Variants in ROBO1 observed in about 807,000 individuals in gnomAD.
ROBO1 encodes the protein roundabout guidance receptor 1, also known as roundabout homolog 1.
A neutral mutation model predicts 195.9 loss-of-function variants in ROBO1; 149 were observed. That is an observed-to-expected ratio of 0.76 (90% CI 0.67 to 0.87). The LOEUF (loss-of-function observed/expected upper bound fraction) is 0.87. ROBO1 is among the 40% of genes least tolerant of loss of function. ROBO1 has a pLI of 0.00. For missense variants in ROBO1, 1,933 were observed against 2,068.3 expected (o/e 0.93, Z 1.27); for synonymous variants, 816 against 733.2 (o/e 1.11, Z -1.82).
intron 2 of ROBO1, among the ~76,000 whole-genome samples, chr3:79,304,169 A>C (rs550522448): frequency 6.6e-6 from 1 of 152,340 alleles, no homozygotes; most frequent in East Asian, 1.9e-4. Context: ...TAAGTAATCC[A>C]AGTAAACCTG....
chr3:79,431,058 A>C (rs1559894059), intron 2 of ROBO1, among the ~76,000 whole-genome samples: 1 of 152,028 alleles, frequency 6.6e-6, no homozygotes, highest in African/African-American at 2.4e-5. Context: ...AAAAGGAGGT[A>C]GTGGTTATTA....
chr3:79,498,747 G>A (rs67958433), intron 2 of ROBO1, among the ~76,000 whole-genome samples: 33,219 of 151,504 alleles, frequency 0.22, 4,306 homozygotes, highest in African/African-American at 0.33. Context: ...CCAGCTACTC[G>A]GGAGGCTGAG....
chr3:78,659,962 C>T, intron 16 of ROBO1, 155 bp from the exon 17 acceptor site: 1 of 446,896 alleles, frequency 2.2e-6, no homozygotes, highest in Non-Finnish European at 3.6e-6. Context: ...GCTCTGTCAT[C>T]TAGGCTGTAG....
At chr3:79,451,198 T>C (rs932008472) in intron 2 of ROBO1, among the ~76,000 whole-genome samples, 2 of 152,090 alleles carry the variant, frequency 1.3e-5, no homozygotes, top group African/African-American at 4.8e-5. Context: ...TAAGGAATTT[T>C]CATTAAAAGC....
At position 79,176,978 on chromosome 3, in the gene ROBO1, T is replaced by C. The variant is rs577680387; in HGVS notation, c.89-51439A>G. Reference sequence around the variant, plus strand: ...TACATAGTAAGTGTCTCTGTCTCAATACAAAATAACGGCAAGACAATCTAT... The same window carrying C: ...TACATAGTAAGTGTCTCTGTCTCAACACAAAATAACGGCAAGACAATCTAT... On this transcript the variant is annotated intron_variant, in intron 2 of 30. Coordinates refer to ENST00000464233, the MANE Select transcript of ROBO1 (RefSeq NM_002941.4). Among the ~76,000 whole-genome samples, 264 of 152,294 alleles carry C rather than the reference T, an allele frequency of 1.7e-3. 4 individuals are homozygous for C. Among genetic ancestry groups the C allele is most frequent in the South Asian group, 6.2e-4 (3 of 4,824 alleles).
chr3:78,664,001 G>C (rs1198555984), intron 14 of ROBO1, among the ~76,000 whole-genome samples: 1 of 152,088 alleles, frequency 6.6e-6, no homozygotes, highest in Admixed American at 6.6e-5. Flanking sequence ...AAACCTACCA[G>C]TCAGTTCCTT....
At chr3:78,692,471 A>T (rs1369136406) in intron 8 of ROBO1, among the ~76,000 whole-genome samples, 1 of 151,848 alleles carries the variant, frequency 6.6e-6, no homozygotes, top group East Asian at 1.9e-4. Context: ...GGGGTTTGCC[A>T]TGTTGCCCAG....
chr3:78,920,191 A>G (rs1032956197), intron 4 of ROBO1, among the ~76,000 whole-genome samples: 4 of 152,268 alleles, frequency 2.6e-5, no homozygotes, highest in Admixed American at 2.0e-4. Flanking sequence ...ATTGTCTTAC[A>G]TACAAGATGA....
chr3:79,435,280 C>A (rs2038844959), intron 2 of ROBO1, among the ~76,000 whole-genome samples: 1 of 152,000 alleles, frequency 6.6e-6, no homozygotes, highest in Non-Finnish European at 1.5e-5. Flanking sequence ...GAGAGGTGGT[C>A]TTGCTATGTT....
chr3:79,704,388 G>A lies in ROBO1; in HGVS notation c.-51+63364C>T, dbSNP rs181602955. Among the ~76,000 whole-genome samples the A allele has an allele frequency of 2.4e-3, 367 of 151,960 alleles. 2 individuals are homozygous for A. The highest frequency in any genetic ancestry group is 8.3e-3 in the African/African-American group (344 of 41,496). Reference sequence around the variant, plus strand: ...CCTTAAAACCATTCATCTTTTTACTGTTTCCATAGTTTTGACTTTTCTAGA... The same window carrying A: ...CCTTAAAACCATTCATCTTTTTACTATTTCCATAGTTTTGACTTTTCTAGA... On this transcript the variant is annotated intron_variant, in intron 1 of 30. Transcript: ENST00000464233.
chr3:79,211,911 A>T (rs1404675593), intron 2 of ROBO1, among the ~76,000 whole-genome samples: 1 of 152,194 alleles, frequency 6.6e-6, no homozygotes, highest in Non-Finnish European at 1.5e-5. Context: ...AGAGCCTGGA[A>T]CAGAGATTTA....
intron 2 of ROBO1, among the ~76,000 whole-genome samples, chr3:79,226,487 A>C (rs1303205281): frequency 6.6e-6 from 1 of 151,642 alleles, no homozygotes; most frequent in South Asian, 2.1e-4. Context: ...TATCATAAAG[A>C]CAATTGTATT....
rs766008537 is a variant in ROBO1 at position 78,670,205 on chromosome 3, C to A, written c.1439G>T (p.Gly480Val). Residue 480 changes from glycine (G) to valine (V), a missense_variant, in exon 11 of 31, where the codon GGC becomes GTC. Around this residue, in one of 3 missense-constraint regions of ROBO1, gnomAD observed 1,737 missense variants for 1,882.5 expected, o/e 0.92. Coordinates refer to ENST00000464233, the MANE Select transcript of ROBO1 (RefSeq NM_002941.4). ...GTFVLSCVAT[G>V]SPVPTILWRK... ...CCACAGAATGGTGGGCACTGGACTG[C>A]CTGTGGCCACACAGCTGAGGACGAA... 3.3e-5 allele frequency: 53 copies of A among 1,610,538 alleles called. No individual in the cohort carries two copies. Among genetic ancestry groups the A allele is most frequent in the Non-Finnish European group, 4.5e-5 (53 of 1,178,498 alleles).
chr3:79,536,362 T>C (rs1336579523), intron 2 of ROBO1, among the ~76,000 whole-genome samples: 13 of 152,276 alleles, frequency 8.5e-5, no homozygotes, highest in East Asian at 1.9e-4. Context: ...CATTCCAGTG[T>C]ATCATGCACT....
At chr3:79,148,053 T>A (rs2080690330) in intron 2 of ROBO1, among the ~76,000 whole-genome samples, 1 of 151,926 alleles carries the variant, frequency 6.6e-6, no homozygotes, top group African/African-American at 2.4e-5. Flanking sequence ...TTCTTTCCTC[T>A]TTCTCTTTTC....
chr3:79,058,945 T>G (rs868496442), intron 3 of ROBO1, among the ~76,000 whole-genome samples: 1 of 152,130 alleles, frequency 6.6e-6, no homozygotes, highest in African/African-American at 2.4e-5. Context: ...CATCAATCTA[T>G]TCACATGGCT....
chr3:78,978,423 T>C (rs1057109791), intron 3 of ROBO1, among the ~76,000 whole-genome samples: 24 of 152,096 alleles, frequency 1.6e-4, no homozygotes, highest in African/African-American at 5.8e-4. Flanking sequence ...ATGACAACAC[T>C]GGTATTAATA....
chr3:78,934,305 T>C (rs528969815), intron 4 of ROBO1, among the ~76,000 whole-genome samples: 10 of 152,068 alleles, frequency 6.6e-5, no homozygotes, highest in African/African-American at 2.2e-4. Context: ...TTTTACAGTA[T>C]ACGTGTACAA....
At chr3:79,117,028 C>G (rs1376167562) in intron 3 of ROBO1, among the ~76,000 whole-genome samples, 1 of 152,056 alleles carries the variant, frequency 6.6e-6, no homozygotes, top group African/African-American at 2.4e-5. Flanking sequence ...CTTCTAAGAG[C>G]CATAGTAGGA....
Sources: gnomAD v4.1 joint callset for allele counts (sites outside exome capture counted in the v4.1 genomes callset) on GRCh38, gnomAD v4.1.1 for gene constraint, gnomAD v4.1.1 regional missense constraint, MANE v1.5 for transcripts, NCBI Gene and HGNC (gene_info 2026-07-23, HGNC 2026-07-21) for gene names.